The following NWD2 variants were observed in gnomAD, a reference collection of about 807,000 sequenced individuals.
The protein encoded by NWD2 is NACHT and WD repeat domain-containing protein 2.
In NWD2, 37 loss-of-function variants were observed where a neutral mutation model predicts 132.7. That is an observed-to-expected ratio of 0.28 (90% CI 0.21 to 0.37). The LOEUF is 0.37. Among genes scored for constraint, NWD2 ranks in the 10% least tolerant of loss-of-function variants. The pLI is 1.00. For missense variants in NWD2, 1,592 were observed against 2,122.4 expected, an observed-to-expected ratio of 0.75 and a Z score of 4.91; for synonymous variants, 705 against 803.0, an observed-to-expected ratio of 0.88 and a Z score of 2.06.
chr4:37,333,864 C>T (rs187972978), intron 2 of NWD2, among the ~76,000 whole-genome samples: 104 of 152,044 alleles, frequency 6.8e-4, no homozygotes, highest in African/African-American at 2.5e-3. Context: ...ATAAACTTAA[C>T]AAATAAATTG....
intron 1 of NWD2, among the ~76,000 whole-genome samples, chr4:37,306,346 C>G (rs1718708220): frequency 6.6e-6 from 1 of 151,960 alleles, no homozygotes; most frequent in African/African-American, 2.4e-5. Flanking sequence ...TTTATTATTT[C>G]CTTTATTCTA....
chr4:37,324,674 G>A (rs954156415), intron 1 of NWD2, among the ~76,000 whole-genome samples: 1 of 152,044 alleles, frequency 6.6e-6, no homozygotes, highest in Non-Finnish European at 1.5e-5. Context: ...ATCTAAGGCT[G>A]GAAAATACCC....
rs147929906 is a variant in NWD2, at chr4:37,445,589, C to G, written c.3601C>G (p.Gln1201Glu). The change falls in exon 7 of 7, where the codon CAA (glutamine) becomes GAA (glutamate). Residue 1201 changes from glutamine (Q) to glutamate (E), a missense_variant. This residue lies in a region of NWD2 where 1,071 missense variants were observed against 1,398.0 expected (regional missense o/e 0.77). Coordinates refer to ENST00000309447, the MANE Select transcript of NWD2 (RefSeq NM_001144990.2). This position sits in a 1 kb window ranked among gnomAD's most constrained non-coding sequence, Gnocchi z 4.7. ...EVVSIELSED[Q>E]SAVLICKALS... ...GGTCAGCATTGAGCTTTCAGAAGAC[C>G]AAAGTGCAGTTCTGATCTGTAAAGC... is the stretch of plus-strand genomic sequence containing the variant. 1.6e-3 allele frequency: 2,548 copies of G among 1,552,206 alleles called. 75 individuals carry two copies. In the Admixed American group the frequency reaches 0.047, roughly 28 times the overall value.
intron 6 of NWD2, among the ~76,000 whole-genome samples, chr4:37,442,254 T>C (rs531101581): frequency 4.6e-5 from 7 of 152,334 alleles, no homozygotes; most frequent in Admixed American, 4.6e-4. Context: ...ATATCCTTGG[T>C]AAATTCCAAG....
At chr4:37,308,580 A>G (rs1718763621) in intron 1 of NWD2, among the ~76,000 whole-genome samples, 1 of 152,160 alleles carries the variant, frequency 6.6e-6, no homozygotes, top group South Asian at 2.1e-4. Flanking sequence ...GCACAGGCAC[A>G]TAGCTCTATT....
chr4:37,264,956 T>A (rs1560380175), intron 1 of NWD2, among the ~76,000 whole-genome samples: 1 of 152,114 alleles, frequency 6.6e-6, no homozygotes, highest in Non-Finnish European at 1.5e-5. Context: ...TACTGCAGAA[T>A]CTGTAGGGTA....
At position 37,245,157 on chromosome 4, in the gene NWD2, G is replaced by T. The variant is rs1418784107; in HGVS notation, c.90G>T (p.Leu30=). ...RAAFSGNLTA[L]PSHLVPAGRS... is the part of the protein sequence containing the mutation. Reference sequence around the variant, plus strand: ...CTTTCTCTGGGAACCTCACGGCCCTGCCCTCTCACCTCGTGCCCGCCGGCC... The same window carrying T: ...CTTTCTCTGGGAACCTCACGGCCCTTCCCTCTCACCTCGTGCCCGCCGGCC... Residue 30 remains leucine, a synonymous_variant, in exon 1 of 7, where the codon CTG becomes CTT. Coordinates refer to ENST00000309447, the MANE Select transcript of NWD2 (RefSeq NM_001144990.2). 6.5e-7 allele frequency: 1 copy of T among 1,547,136 alleles called. No individual in the cohort carries two copies. Among genetic ancestry groups the T allele is most frequent in the South Asian group, 1.2e-5 (1 of 83,974 alleles).
intron 2 of NWD2, among the ~76,000 whole-genome samples, chr4:37,346,081 C>CA (rs1198830447): frequency 0.099 from 9,108 of 91,936 alleles, 961 homozygotes; most frequent in African/African-American, 0.29. Flanking sequence ...TACTCTGTCT[C>CA]AAAAAAAAAA....
At chr4:37,386,602 CA>C (rs34689335) in intron 3 of NWD2, among the ~76,000 whole-genome samples, 14,228 of 152,194 alleles carry the variant, frequency 0.093, 705 homozygotes, top group Middle Eastern at 0.21. Flanking sequence ...GGATGTCTCA[CA>C]AGCATCTCAA....
rs1442033807 is a variant in NWD2, at chr4:37,446,037, T to C, written c.4049T>C (p.Ile1350Thr). ...AAGTGGAACTTCAGCAGTGGCTTCA[T>C]CGAAGCAGTATTCAAGCATGAAGGA... ...VHKWNFSSGF[I>T]EAVFKHEGIV... Residue 1350 changes from isoleucine to threonine, a missense_variant, in exon 7 of 7, where the codon ATC becomes ACC. By Grantham distance (89) the Ile-to-Thr change is moderately conservative. Around this residue, in one of 7 missense-constraint regions of NWD2, gnomAD observed 1,071 missense variants for 1,398.0 expected, o/e 0.77. Transcript: ENST00000309447. The surrounding 1 kb of genome is among the most constrained non-coding windows in gnomAD (Gnocchi z 6.7). 1.3e-6 allele frequency: 2 copies of C among 1,551,630 alleles called. No homozygotes were observed. The highest frequency in any genetic ancestry group is 1.7e-6 in the Non-Finnish European group (2 of 1,146,992).
chr4:37,414,729 T>C (rs1711536120), intron 3 of NWD2, among the ~76,000 whole-genome samples: 1 of 152,166 alleles, frequency 6.6e-6, no homozygotes, highest in African/African-American at 2.4e-5. Flanking sequence ...ACCAAAAAAG[T>C]ATAAAAGAAT....
intron 1 of NWD2, among the ~76,000 whole-genome samples, chr4:37,308,976 G>A (rs1157141176): frequency 6.6e-6 from 1 of 152,228 alleles, no homozygotes; most frequent in Non-Finnish European, 1.5e-5. Context: ...GCCATCAGTG[G>A]CAGCAGACAT....
chr4:37,393,615 A>G (rs1424388798), intron 3 of NWD2, among the ~76,000 whole-genome samples: 1 of 152,178 alleles, frequency 6.6e-6, no homozygotes, highest in Non-Finnish European at 1.5e-5. Flanking sequence ...CACTATTTTA[A>G]TCTTTCTTTC....
At chr4:37,260,480 TACTC>T (rs1427691653) in intron 1 of NWD2, among the ~76,000 whole-genome samples, 2 of 152,238 alleles carry the variant, frequency 1.3e-5, no homozygotes, top group African/African-American at 4.8e-5. Flanking sequence ...TGAGTGCATC[TACTC>T]GATTGCCTGA....
intron 1 of NWD2, among the ~76,000 whole-genome samples, chr4:37,300,374 A>G (rs1718589168): frequency 2.0e-5 from 3 of 152,154 alleles, no homozygotes; most frequent in Admixed American, 2.0e-4. Context: ...AACTCATGCT[A>G]GTGGAGTGTA....
chr4:37,403,380 C>T (rs974728983), intron 3 of NWD2, among the ~76,000 whole-genome samples: 1 of 152,046 alleles, frequency 6.6e-6, no homozygotes, highest in Non-Finnish European at 1.5e-5. Flanking sequence ...CTCAGGTGAA[C>T]ATGAAGGGTC....
chr4:37,303,780 G>T (rs546237158), intron 1 of NWD2, among the ~76,000 whole-genome samples: 6 of 152,162 alleles, frequency 3.9e-5, no homozygotes, highest in African/African-American at 1.4e-4. Context: ...TGTTGATTTT[G>T]TATCCTACAA....
intron 3 of NWD2, among the ~76,000 whole-genome samples, chr4:37,372,161 T>C (rs998841375): frequency 3.9e-5 from 6 of 152,200 alleles, no homozygotes; most frequent in Non-Finnish European, 7.3e-5. Context: ...ACCTCAACAC[T>C]ATATTAAAAC....
intron 2 of NWD2, among the ~76,000 whole-genome samples, chr4:37,339,699 G>A (rs1483821458): frequency 3.3e-5 from 5 of 152,040 alleles, no homozygotes; most frequent in African/African-American, 1.2e-4. Flanking sequence ...TATAAATAGG[G>A]GTACAAGTAT....
Sources: gnomAD v4.1 joint callset for allele counts (sites outside exome capture counted in the v4.1 genomes callset) on GRCh38, gnomAD v4.1.1 for gene constraint, gnomAD v4.1.1 regional missense constraint, Gnocchi (gnomAD v3.1) non-coding constraint, MANE v1.5 for transcripts, NCBI Gene and HGNC (gene_info 2026-07-23, HGNC 2026-07-21) for gene names.